The following SAMM50 variants were observed in gnomAD, a reference collection of about 807,000 sequenced individuals.
The protein encoded by SAMM50 is sorting and assembly machinery component 50 homolog.
In SAMM50, 47 loss-of-function variants were observed where a neutral mutation model predicts 66.9. The observed-to-expected ratio is 0.70, with a 90% confidence interval of 0.56 to 0.90. The LOEUF (loss-of-function observed/expected upper bound fraction) is 0.90, where lower values mean the gene tolerates loss of function less well. SAMM50 is among the 40% of genes least tolerant of loss of function. The probability of loss-of-function intolerance (pLI) is 0.00; values close to 1 mark genes in which losing one functional copy is unlikely to be tolerated. For missense variants in SAMM50, 535 were observed against 595.3 expected (o/e 0.90, Z 1.05); for synonymous variants, 191 against 214.1 (o/e 0.89, Z 0.94).
At chr22:43,976,025 C>T (rs1427792288) in intron 7 of SAMM50, 30 bp from the exon 8 acceptor site, 2 of 1,590,902 alleles carry the variant, frequency 1.3e-6, no homozygotes, top group African/African-American at 1.3e-5. Context: ...TATGTGTGGT[C>T]CGGAAAGATG....
At position 43,976,094 on chromosome 22, in the gene SAMM50, G is replaced by A; in HGVS notation, c.688G>A (p.Gly230Ser). The A allele has an allele frequency of 1.9e-6, 3 of 1,613,006 alleles. No homozygotes were observed. The highest frequency in any genetic ancestry group is 1.7e-6 in the Non-Finnish European group (2 of 1,179,000). ...GACCAGCCACACTGTCAAGTGGGAA[G>A]GCGTATGGCGAGAACTGGGCTGCCT... The part of the protein sequence containing the change: ...WKTSHTVKWE[G>S]VWRELGCLSR... Residue 230 changes from glycine to serine, a missense_variant, in exon 8 of 15, where the codon GGC (glycine) becomes AGC (serine). Gly to Ser is a moderately conservative substitution (Grantham distance 56). Transcript: ENST00000350028.
intron 1 of SAMM50, among the ~76,000 whole-genome samples, chr22:43,958,858 C>CT (rs1421329805): frequency 6.6e-6 from 1 of 152,080 alleles, no homozygotes; most frequent in African/African-American, 2.4e-5. Context: ...TTTTATTTGA[C>CT]TTTTTCATCC....
At chr22:43,996,025 A>T (rs2050351728) in intron 14 of SAMM50, among the ~76,000 whole-genome samples, 1 of 152,026 alleles carries the variant, frequency 6.6e-6, no homozygotes, top group South Asian at 2.1e-4. Context: ...TCCGCCTCTC[A>T]TCGGCCCTCT....
chr22:43,962,159 G>A (rs528317318), intron 1 of SAMM50, among the ~76,000 whole-genome samples: 1 of 152,314 alleles, frequency 6.6e-6, no homozygotes, highest in African/African-American at 2.4e-5. Context: ...ACGTGCTCAC[G>A]ACACTTACAT....
chr22:43,981,309 G>A, intron 10 of SAMM50, 82 bp from the exon 11 acceptor site: 2 of 1,077,676 alleles, frequency 1.9e-6, no homozygotes, highest in Admixed American at 1.7e-5. Context: ...GGCATTCAGT[G>A]TGTGGCCAGT....
At chr22:43,960,251 C>T (rs1169797720) in intron 1 of SAMM50, among the ~76,000 whole-genome samples, 1 of 152,126 alleles carries the variant, frequency 6.6e-6, no homozygotes, top group Non-Finnish European at 1.5e-5. Context: ...GGGAAATTAT[C>T]CATTCTTTGC....
chr22:43,958,212 C>T lies in SAMM50; in HGVS notation c.21+2614C>T, dbSNP rs553931560. ...TTATCCCCTGCATTTGGATGGGCTT[C>T]GCCTTTCCGTGCCATTTCCTTTGGT... On this transcript the variant is annotated intron_variant, in intron 1 of 14. Transcript: ENST00000350028. Among the ~76,000 whole-genome samples the T allele has an allele frequency of 1.1e-4, 17 of 152,318 alleles. 1 individual carries two copies. The South Asian group carries it at 2.1e-3, about 19-fold the overall frequency.
intron 1 of SAMM50, among the ~76,000 whole-genome samples, chr22:43,960,682 T>C (rs28421169): frequency 0.049 from 7,414 of 152,138 alleles, 229 homozygotes; most frequent in Middle Eastern, 0.075. Flanking sequence ...TGAGCCGAGA[T>C]TGCGCCATTA....
intron 5 of SAMM50, 87 bp downstream of exon 5, chr22:43,972,429 G>A: frequency 1.4e-6 from 1 of 724,696 alleles, no homozygotes; most frequent in East Asian, 2.9e-5. Flanking sequence ...GCTGATGATA[G>A]TTTCAAAATT....
chr22:43,959,364 A>G (rs1475029002), intron 1 of SAMM50, among the ~76,000 whole-genome samples: 1 of 152,096 alleles, frequency 6.6e-6, no homozygotes, highest in Non-Finnish European at 1.5e-5. Context: ...CACTTTAAAG[A>G]TGCTGTTCAT....
At chr22:43,972,129 T>C (rs2050206641) in intron 4 of SAMM50, 107 bp from the exon 5 acceptor site, 3 of 608,718 alleles carry the variant, frequency 4.9e-6, no homozygotes, top group Non-Finnish European at 5.6e-6. Context: ...TAAAGGAGAT[T>C]GTAAAATAGA....
intron 12 of SAMM50, among the ~76,000 whole-genome samples, chr22:43,986,101 G>A: frequency 7.5e-6 from 1 of 132,718 alleles, no homozygotes; most frequent in Admixed American, 8.2e-5. Context: ...GGAGTGCATT[G>A]GCGCAATCTC....
chr22:43,955,646 G>A (rs1277481685), intron 1 of SAMM50, 48 bp downstream of exon 1: 2 of 1,545,546 alleles, frequency 1.3e-6, no homozygotes, highest in Non-Finnish European at 1.7e-6. Flanking sequence ...GGGCCAGCAG[G>A]GCAGACGGGC....
intron 3 of SAMM50, among the ~76,000 whole-genome samples, chr22:43,965,864 C>G (rs1391387258): frequency 6.6e-6 from 1 of 151,992 alleles, no homozygotes; most frequent in Non-Finnish European, 1.5e-5. Context: ...GGGTCTTGCT[C>G]TGGTGCAAGT....
chr22:43,980,774 G>A (rs1391444347), intron 10 of SAMM50, among the ~76,000 whole-genome samples: 2 of 152,192 alleles, frequency 1.3e-5, no homozygotes, highest in African/African-American at 2.4e-5. Context: ...CCAGCCGCCC[G>A]AAAACATGGG....
intron 14 of SAMM50, among the ~76,000 whole-genome samples, chr22:43,995,958 C>G (rs1364184576): frequency 6.6e-6 from 1 of 152,148 alleles, no homozygotes; most frequent in African/African-American, 2.4e-5. Flanking sequence ...TTCTGTCCAC[C>G]TGCCTCTCCT....
rs941466434 is a variant in SAMM50, at chr22:43,964,563, G to T, written c.234+10G>T. 14 of 1,417,422 alleles carry T rather than the reference G, an allele frequency of 9.9e-6. No individual in the cohort carries two copies. Among genetic ancestry groups the T allele is most frequent in the Non-Finnish European group, 1.4e-5 (14 of 1,000,762 alleles). The allele number at this position is 1,417,422 out of a possible 1,614,324, so 87.8% of individuals were successfully genotyped here. A position where few individuals can be genotyped will look rare whatever the true frequency, so the allele number is the denominator to read the frequency against. On this transcript the variant is annotated intron_variant, in intron 3 of 14. Coordinates refer to ENST00000350028, the MANE Select transcript of SAMM50 (RefSeq NM_015380.5). ...CAAAAACCTAATTGAGGTAGGTGTGGTCTCTACATGGTGTGCTTTCCCAGT... is the reference window on the plus strand; with the variant it reads ...CAAAAACCTAATTGAGGTAGGTGTGTTCTCTACATGGTGTGCTTTCCCAGT...
intron 7 of SAMM50, among the ~76,000 whole-genome samples, 172 bp downstream of exon 7, chr22:43,973,495 C>T (rs2050215066): frequency 6.6e-6 from 1 of 152,204 alleles, no homozygotes; most frequent in African/African-American, 2.4e-5. Flanking sequence ...GCTACAGGGA[C>T]CCGAGAGTGG....
chr22:43,984,145 A>G (rs2050279394), intron 12 of SAMM50, 145 bp downstream of exon 12: 1 of 632,596 alleles, frequency 1.6e-6, no homozygotes, highest in Non-Finnish European at 2.6e-6. Context: ...CTTACCATGT[A>G]GCAGGTGTAG....
Sources: gnomAD v4.1 joint callset for allele counts (sites outside exome capture counted in the v4.1 genomes callset) on GRCh38, gnomAD v4.1.1 for gene constraint, MANE v1.5 for transcripts, NCBI Gene and HGNC (gene_info 2026-07-23, HGNC 2026-07-21) for gene names.